Variants in AOAH observed in about 807,000 individuals in gnomAD.
The protein encoded by AOAH is acyloxyacyl hydrolase, also known as acyloxyacyl hydrolase (neutrophil).
AOAH carries 64 observed loss-of-function variants against 92.2 expected under a neutral mutation model. The observed-to-expected ratio is 0.69, with a 90% CI of 0.57 to 0.86. The LOEUF (loss-of-function observed/expected upper bound fraction) is 0.86, where lower values mean the gene tolerates loss of function less well. Ranked by LOEUF, AOAH falls within the 40% of genes least tolerant of loss-of-function variation. The pLI is 0.00. For missense variants in AOAH, 656 were observed against 694.6 expected (o/e 0.94, Z 0.62); for synonymous variants, 263 against 254.5 (o/e 1.03, Z -0.32).
At chr7:36,670,009 T>G (rs1795812799) in intron 3 of AOAH, among the ~76,000 whole-genome samples, 1 of 152,056 alleles carries the variant, frequency 6.6e-6, no homozygotes, top group Non-Finnish European at 1.5e-5. Flanking sequence ...AAGTAGCTCC[T>G]CCCTGCATGA....
chr7:36,555,585 G>A (rs1460843311), intron 13 of AOAH, among the ~76,000 whole-genome samples: 3 of 151,968 alleles, frequency 2.0e-5, no homozygotes, highest in Non-Finnish European at 2.9e-5. Context: ...TGTACCTCTG[G>A]TAGAATTCGG....
At chr7:36,640,501 G>A (rs1273703375) in intron 4 of AOAH, among the ~76,000 whole-genome samples, 1 of 152,156 alleles carries the variant, frequency 6.6e-6, no homozygotes, top group Admixed American at 6.5e-5. Flanking sequence ...CGGGGCAACA[G>A]GGGCTTAGCC....
intron 4 of AOAH, among the ~76,000 whole-genome samples, chr7:36,640,588 G>C (rs1239971433): frequency 6.6e-6 from 1 of 152,116 alleles, no homozygotes; most frequent in East Asian, 1.9e-4. Context: ...TTGGACCCAG[G>C]GTTGTCTGCA....
chr7:36,636,149 C>T (rs1013787619), intron 5 of AOAH, among the ~76,000 whole-genome samples: 3 of 152,230 alleles, frequency 2.0e-5, no homozygotes, highest in Non-Finnish European at 4.4e-5. Context: ...TTATTAATTA[C>T]TCTCCGAGCA....
chr7:36,703,716 A>T (rs944489848), intron 1 of AOAH, among the ~76,000 whole-genome samples: 3 of 152,036 alleles, frequency 2.0e-5, no homozygotes, highest in African/African-American at 7.2e-5. Context: ...CCTGCAAAGG[A>T]CACGAAGTCA....
At chr7:36,561,549 T>C (rs1194814623) in intron 13 of AOAH, among the ~76,000 whole-genome samples, 1 of 152,132 alleles carries the variant, frequency 6.6e-6, no homozygotes, top group Non-Finnish European at 1.5e-5. Flanking sequence ...CCCCATGCGC[T>C]GTGTTGATCT....
chr7:36,515,188 C>T lies in AOAH; in HGVS notation c.1600-1808G>A, dbSNP rs78548192. On this transcript the variant is annotated intron_variant, in intron 20 of 20. Transcript: ENST00000617537. The stretch of plus-strand genomic sequence containing the variant: ...ACACACACAAACATCACACATACCC[C>T]CCACACACCACACACAAACACCACA... Among the ~76,000 whole-genome samples the T allele has an allele frequency of 6.2e-3, 879 of 142,156 alleles. 10 individuals are homozygous for T. The highest frequency in any genetic ancestry group is 0.022 in the African/African-American group (830 of 37,662). The allele number at this position is 142,156 out of a possible 152,430, so 93.3% of individuals were successfully genotyped here.
At chr7:36,535,078 CTGTGTCTCTGTGTGTGTGTTTGTG>C (rs1240640150) in intron 16 of AOAH, among the ~76,000 whole-genome samples, 14 of 99,622 alleles carry the variant, frequency 1.4e-4, no homozygotes, top group Non-Finnish European at 1.6e-4. Flanking sequence ...CCGTGTGTGT[CTGTGTCTCTGTGTGTGTGTTTGTG>C]TGTGTCTGTG....
chr7:36,534,264 A>G (rs527269022), intron 16 of AOAH, among the ~76,000 whole-genome samples: 12 of 152,012 alleles, frequency 7.9e-5, no homozygotes, highest in East Asian at 3.9e-4. Context: ...ACAGCTCCCA[A>G]TGAGACCCTG....
intron 5 of AOAH, 41 bp downstream of exon 5, chr7:36,637,810 T>G: frequency 6.3e-7 from 1 of 1,592,218 alleles, no homozygotes; most frequent in Non-Finnish European, 8.6e-7. Flanking sequence ...AGAGAGGACA[T>G]GCCAAGGAAA....
At chr7:36,664,089 G>GT (rs1459176508) in intron 3 of AOAH, among the ~76,000 whole-genome samples, 5 of 151,688 alleles carry the variant, frequency 3.3e-5, no homozygotes, top group Non-Finnish European at 5.9e-5. Flanking sequence ...AGTTTTAAGA[G>GT]TTTTTTTATG....
chr7:36,710,791 T>G (rs1189841208), intron 1 of AOAH, among the ~76,000 whole-genome samples: 1 of 152,198 alleles, frequency 6.6e-6, no homozygotes, highest in Non-Finnish European at 1.5e-5. Context: ...TGCCTTACAA[T>G]AGGTTTAATT....
chr7:36,674,625 A>G (rs59643676), intron 2 of AOAH, among the ~76,000 whole-genome samples: 2,307 of 152,292 alleles, frequency 0.015, 47 homozygotes, highest in African/African-American at 0.052. Flanking sequence ...TATCCACCCA[A>G]TGAAACTTGT....
At chr7:36,604,079 T>C (rs946082983) in intron 11 of AOAH, among the ~76,000 whole-genome samples, 5 of 152,192 alleles carry the variant, frequency 3.3e-5, no homozygotes, top group African/African-American at 1.2e-4. Context: ...TGTTGCTGGA[T>C]TCTCACATGG....
intron 5 of AOAH, among the ~76,000 whole-genome samples, chr7:36,633,186 G>A (rs1269966843): frequency 2.0e-5 from 3 of 152,208 alleles, no homozygotes; most frequent in Non-Finnish European, 4.4e-5. Context: ...GACTCAGTGC[G>A]GGCCACAGCC....
At chr7:36,645,273 C>G (rs1472088076) in intron 4 of AOAH, among the ~76,000 whole-genome samples, 1 of 152,178 alleles carries the variant, frequency 6.6e-6, no homozygotes, top group Non-Finnish European at 1.5e-5. Context: ...AGAGAGCCAG[C>G]TCTCTTTTCT....
At chr7:36,515,829 A>T (rs1228317504) in intron 20 of AOAH, among the ~76,000 whole-genome samples, 2 of 113,258 alleles carry the variant, frequency 1.8e-5, no homozygotes, top group Non-Finnish European at 3.5e-5. Flanking sequence ...ACCCCACACC[A>T]CACACACATA....
intron 16 of AOAH, among the ~76,000 whole-genome samples, chr7:36,536,131 G>A (rs1174643727): frequency 6.6e-6 from 1 of 152,112 alleles, no homozygotes; most frequent in African/African-American, 2.4e-5. Context: ...CTGGGCCTCT[G>A]AGTGTCCTGC....
At chr7:36,647,516 A>C (rs974926321) in intron 4 of AOAH, among the ~76,000 whole-genome samples, 1 of 152,258 alleles carries the variant, frequency 6.6e-6, no homozygotes, top group African/African-American at 2.4e-5. Context: ...AAAAATGTTC[A>C]TATCTCAAAT....
Sources: allele counts gnomAD v4.1 joint callset (sites outside exome capture counted in the v4.1 genomes callset), GRCh38; gene constraint gnomAD v4.1.1; transcripts MANE v1.5; gene names NCBI Gene and HGNC (gene_info 2026-07-23, HGNC 2026-07-21).